The following CCDC146 variants were observed in gnomAD, a reference collection of about 807,000 sequenced individuals.
The protein encoded by CCDC146 is coiled-coil domain-containing protein 146.
In CCDC146, 92 loss-of-function variants were observed where a neutral mutation model predicts 119.3. The observed-to-expected ratio is 0.77, with a 90% confidence interval of 0.65 to 0.92. The LOEUF (loss-of-function observed/expected upper bound fraction) is 0.92. CCDC146 is among the 40% of genes least tolerant of loss of function. CCDC146 has a pLI of 0.00. For synonymous variants in CCDC146, 372 were observed against 371.8 expected, an observed-to-expected ratio of 1.00 and a Z score of -0.01; for missense variants, 1,000 against 1,103.0, an observed-to-expected ratio of 0.91 and a Z score of 1.32.
intron 3 of CCDC146, among the ~76,000 whole-genome samples, chr7:77,239,445 T>G (rs1310134692): frequency 6.6e-6 from 1 of 152,272 alleles, no homozygotes; most frequent in Non-Finnish European, 1.5e-5. Flanking sequence ...AGTAAATGTT[T>G]TGCTAGATGC....
At chr7:77,175,895 A>T (rs958873897) in intron 2 of CCDC146, among the ~76,000 whole-genome samples, 1 of 151,278 alleles carries the variant, frequency 6.6e-6, no homozygotes, top group African/African-American at 2.5e-5. Flanking sequence ...TATTCTTTAG[A>T]AGCATTATTT....
chr7:77,292,785 C>CTCAA (rs1018719007), intron 17 of CCDC146, among the ~76,000 whole-genome samples, 167 bp from the exon 18 acceptor site: 18 of 152,086 alleles, frequency 1.2e-4, no homozygotes, highest in Admixed American at 1.0e-3. Flanking sequence ...GGGTGTTCGG[C>CTCAA]TCAATATCTG....
intron 1 of CCDC146, among the ~76,000 whole-genome samples, chr7:77,127,932 G>A (rs943601664): frequency 3.0e-4 from 45 of 151,844 alleles, no homozygotes; most frequent in Admixed American, 2.6e-4. Flanking sequence ...CTAATCCATT[G>A]TTTAATATCT....
intron 3 of CCDC146, among the ~76,000 whole-genome samples, chr7:77,238,136 T>C (rs1792773730): frequency 6.6e-6 from 1 of 152,042 alleles, no homozygotes; most frequent in Non-Finnish European, 1.5e-5. Flanking sequence ...CTCACACCCC[T>C]CCAAAGCCCC....
intron 15 of CCDC146, among the ~76,000 whole-genome samples, chr7:77,286,179 A>G (rs1254797534): frequency 6.6e-6 from 1 of 152,214 alleles, no homozygotes; most frequent in Non-Finnish European, 1.5e-5. Context: ...GAGGCTTCCA[A>G]TCATGGTGGA....
intron 1 of CCDC146, among the ~76,000 whole-genome samples, chr7:77,149,959 A>T (rs1225412325): frequency 6.6e-6 from 1 of 151,686 alleles, no homozygotes; most frequent in East Asian, 1.9e-4. Flanking sequence ...TGGGAAGAAG[A>T]TCTTTTTTTT....
intron 9 of CCDC146, among the ~76,000 whole-genome samples, chr7:77,271,616 G>GA (rs1793524094): frequency 6.9e-6 from 1 of 143,960 alleles, no homozygotes; most frequent in Non-Finnish European, 1.5e-5. Flanking sequence ...GATCAAGGTG[G>GA]AGGGTAGCTA....
At chr7:77,138,263 A>G (rs1484474154) in intron 1 of CCDC146, among the ~76,000 whole-genome samples, 1 of 150,756 alleles carries the variant, frequency 6.6e-6, no homozygotes, top group Non-Finnish European at 1.5e-5. Context: ...CAGTATTTTC[A>G]ACAAATGGTG....
At chr7:77,171,227 T>C (rs1278074722) in intron 2 of CCDC146, among the ~76,000 whole-genome samples, 1 of 152,194 alleles carries the variant, frequency 6.6e-6, no homozygotes, top group Non-Finnish European at 1.5e-5. Context: ...AACCCAATCA[T>C]ACCCGATCTT....
intron 1 of CCDC146, among the ~76,000 whole-genome samples, chr7:77,125,350 C>A (rs1263500325): frequency 6.6e-6 from 1 of 150,902 alleles, no homozygotes; most frequent in African/African-American, 2.4e-5. Context: ...ATAGTATGAT[C>A]TCAATTGTGT....
chr7:77,203,548 T>C (rs1176765622), intron 2 of CCDC146, among the ~76,000 whole-genome samples: 1 of 151,512 alleles, frequency 6.6e-6, no homozygotes, highest in Non-Finnish European at 1.5e-5. Context: ...AAGGGAGGGT[T>C]TCAAGCAGGA....
intron 1 of CCDC146, among the ~76,000 whole-genome samples, chr7:77,142,375 C>T (rs2903902): frequency 0.15 from 22,623 of 150,682 alleles, 2,055 homozygotes; most frequent in Non-Finnish European, 0.21. Context: ...TACATGTGCA[C>T]AACGTGCAGG....
chr7:77,203,880 G>A (rs969733269), intron 2 of CCDC146, among the ~76,000 whole-genome samples: 2 of 152,082 alleles, frequency 1.3e-5, no homozygotes, highest in Admixed American at 6.6e-5. Flanking sequence ...TCTATAAGCC[G>A]CATATGAAAT....
At chr7:77,190,006 T>C (rs1487525855) in intron 2 of CCDC146, among the ~76,000 whole-genome samples, 4 of 152,222 alleles carry the variant, frequency 2.6e-5, no homozygotes, top group Non-Finnish European at 5.9e-5. Flanking sequence ...TACTACCCGC[T>C]GCATGAGTGT....
chr7:77,160,973 G>A (rs1372346622), intron 1 of CCDC146, among the ~76,000 whole-genome samples: 11 of 152,066 alleles, frequency 7.2e-5, no homozygotes, highest in African/African-American at 1.2e-4. Flanking sequence ...AAAAGTGGGC[G>A]AAGGACATGA....
At chr7:77,245,656 A>T (rs1792935576) in intron 4 of CCDC146, among the ~76,000 whole-genome samples, 1 of 152,162 alleles carries the variant, frequency 6.6e-6, no homozygotes, top group African/African-American at 2.4e-5. Context: ...CTTGTTGCAC[A>T]TTCAGGGTTT....
At chr7:77,211,232 G>A (rs917069425) in intron 2 of CCDC146, among the ~76,000 whole-genome samples, 3 of 151,772 alleles carry the variant, frequency 2.0e-5, no homozygotes, top group East Asian at 3.9e-4. Flanking sequence ...TTTTTCTTGT[G>A]GTTCTTCATA....
At chr7:77,272,302 T>C (rs918990211) in intron 9 of CCDC146, among the ~76,000 whole-genome samples, 3 of 152,170 alleles carry the variant, frequency 2.0e-5, no homozygotes, top group African/African-American at 7.2e-5. Flanking sequence ...CAAGAGCTAG[T>C]GCTCCAGGGT....
chr7:77,164,042 T>C (rs537814300), intron 1 of CCDC146, among the ~76,000 whole-genome samples: 1 of 152,016 alleles, frequency 6.6e-6, no homozygotes, highest in East Asian at 1.9e-4. Context: ...TTTGTATTTT[T>C]AGTAGAGATG....
Sources: gnomAD v4.1 joint callset for allele counts (sites outside exome capture counted in the v4.1 genomes callset) on GRCh38, gnomAD v4.1.1 for gene constraint, MANE v1.5 for transcripts, NCBI Gene and HGNC (gene_info 2026-07-23, HGNC 2026-07-21) for gene names.